Variants in NRCAM observed in about 807,000 individuals in gnomAD.
NRCAM encodes NgCAM-related cell adhesion molecule.
In NRCAM, 83 loss-of-function variants were observed where a neutral mutation model predicts 156.5. The observed-to-expected ratio is 0.53, with a 90% CI of 0.44 to 0.64. The LOEUF is 0.64. NRCAM is among the 30% of genes least tolerant of loss of function. The pLI, the probability that NRCAM is intolerant of heterozygous loss-of-function variation, is 0.00. For missense variants in NRCAM, 1,417 were observed against 1,597.3 expected (o/e 0.89, Z 1.92); for synonymous variants, 538 against 563.9 (o/e 0.95, Z 0.65).
intron 20 of NRCAM, among the ~76,000 whole-genome samples, chr7:108,189,044 T>A (rs1587307233): frequency 8.8e-6 from 1 of 113,726 alleles, no homozygotes; most frequent in South Asian, 3.3e-4. Flanking sequence ...TCTTCTAGTA[T>A]CCTTATGACA....
chr7:108,290,728 G>C (rs2098262775), intron 3 of NRCAM, among the ~76,000 whole-genome samples: 1 of 152,136 alleles, frequency 6.6e-6, no homozygotes, highest in Non-Finnish European at 1.5e-5. Context: ...TTTTTTAGAA[G>C]CTAAATTGCA....
chr7:108,269,926 G>A (rs777574962), intron 3 of NRCAM, among the ~76,000 whole-genome samples: 20 of 152,284 alleles, frequency 1.3e-4, no homozygotes, highest in Non-Finnish European at 2.8e-4. Context: ...TCTTAGCAAA[G>A]CTTCCTTAGA....
At chr7:108,388,976 T>C (rs965758738) in intron 2 of NRCAM, among the ~76,000 whole-genome samples, 1 of 152,200 alleles carries the variant, frequency 6.6e-6, no homozygotes. Context: ...GTAGTATAGT[T>C]TGAAGTCAGG....
At chr7:108,279,979 G>A (rs2097789521) in intron 3 of NRCAM, among the ~76,000 whole-genome samples, 2 of 152,142 alleles carry the variant, frequency 1.3e-5, no homozygotes, top group South Asian at 2.1e-4. Context: ...ATGGACACTG[G>A]TGTCCCACAT....
intron 3 of NRCAM, among the ~76,000 whole-genome samples, chr7:108,286,257 A>G (rs1378124166): frequency 6.6e-6 from 1 of 152,216 alleles, no homozygotes; most frequent in African/African-American, 2.4e-5. Context: ...TGTGGCCAGC[A>G]GCAGTAGTTT....
rs140255523 is a variant in NRCAM, at chr7:108,232,497, G to C, written c.256C>G (p.His86Asp). 23 of 1,612,366 alleles carry C rather than the reference G, an allele frequency of 1.4e-5. No individual in the cohort carries two copies. In the African/African-American group the frequency reaches 2.8e-4, roughly 20 times the overall value. ...PSFSWTRNGT[H>D]FDIDKDPLVT... Reference sequence around the variant, plus strand: ...AGAGGGTCTTTATCGATGTCAAAATGAGTCCCATTACGGGTCCAGGAAAAG... The same window carrying C: ...AGAGGGTCTTTATCGATGTCAAAATCAGTCCCATTACGGGTCCAGGAAAAG... The change falls in exon 7 of 33, where the codon CAT becomes GAT. Residue 86 changes from histidine (H) to aspartate (D), a missense_variant. By Grantham distance (81) the His-to-Asp change is moderately conservative (BLOSUM62 -1). This residue lies in a region of NRCAM where 1,238 missense variants were observed against 1,336.4 expected (regional missense o/e 0.93). Coordinates refer to ENST00000379028, the MANE Select transcript of NRCAM (RefSeq NM_001037132.4).
chr7:108,422,067 T>A (rs568905536), intron 1 of NRCAM, among the ~76,000 whole-genome samples: 1 of 152,276 alleles, frequency 6.6e-6, no homozygotes, highest in African/African-American at 2.4e-5. Context: ...CAAAATACAT[T>A]TCATTGATAA....
intron 31 of NRCAM, 31 bp downstream of exon 31, chr7:108,160,330 T>C (rs2048140994): frequency 6.3e-7 from 1 of 1,596,168 alleles, no homozygotes; most frequent in Non-Finnish European, 8.6e-7. Flanking sequence ...TTATGTAGCA[T>C]TATAAAGCAA....
intron 2 of NRCAM, among the ~76,000 whole-genome samples, chr7:108,352,855 CTATAAAA>C (rs879416875): frequency 1.3e-5 from 2 of 152,088 alleles, no homozygotes; most frequent in African/African-American, 2.4e-5. Flanking sequence ...CCACAAATAG[CTATAAAA>C]TATAAGTTTA....
chr7:108,256,188 G>C (rs1048875687), intron 3 of NRCAM, among the ~76,000 whole-genome samples: 1 of 152,036 alleles, frequency 6.6e-6, no homozygotes, highest in Non-Finnish European at 1.5e-5. Context: ...TAGAAAAGGG[G>C]GAAATGTGGG....
intron 26 of NRCAM, among the ~76,000 whole-genome samples, chr7:108,177,666 TAC>T (rs1363221789): frequency 8.8e-4 from 16 of 18,206 alleles, no homozygotes; most frequent in African/African-American, 1.4e-3. Context: ...TATATGTATA[TAC>T]GTGTATATAT....
intron 30 of NRCAM, among the ~76,000 whole-genome samples, chr7:108,160,832 T>C (rs1216982525): frequency 6.6e-6 from 1 of 152,204 alleles, no homozygotes; most frequent in Non-Finnish European, 1.5e-5. Context: ...ACAGGATACA[T>C]TTTACATTAA....
chr7:108,345,512 T>A (rs2099346664), intron 2 of NRCAM, among the ~76,000 whole-genome samples: 1 of 152,214 alleles, frequency 6.6e-6, no homozygotes, highest in African/African-American at 2.4e-5. Context: ...TCCCCCCACA[T>A]TCATATAGTG....
chr7:108,168,437 A>G (rs2056290079), intron 28 of NRCAM, 35 bp from the exon 29 acceptor site: 1 of 1,557,812 alleles, frequency 6.4e-7, no homozygotes, highest in South Asian at 1.2e-5. Context: ...ACAAACAATC[A>G]TATTGCAACA....
At chr7:108,382,300 G>C (rs905212528) in intron 2 of NRCAM, among the ~76,000 whole-genome samples, 2 of 151,672 alleles carry the variant, frequency 1.3e-5, no homozygotes, top group Non-Finnish European at 2.9e-5. Context: ...ATCCAGTCAA[G>C]GAAACACTAA....
chr7:108,371,169 T>A (rs955862296), intron 2 of NRCAM, among the ~76,000 whole-genome samples: 2 of 152,160 alleles, frequency 1.3e-5, no homozygotes, highest in Admixed American at 6.6e-5. Flanking sequence ...TAAGTAGTTG[T>A]AGGATGAGAA....
intron 14 of NRCAM, among the ~76,000 whole-genome samples, chr7:108,197,567 T>C (rs368782315): frequency 6.6e-6 from 1 of 152,210 alleles, no homozygotes; most frequent in African/African-American, 2.4e-5. Flanking sequence ...CCAAGCATTA[T>C]GATTCATGCA....
At chr7:108,268,617 GGT>G (rs2097196685) in intron 3 of NRCAM, among the ~76,000 whole-genome samples, 1 of 119,124 alleles carries the variant, frequency 8.4e-6, no homozygotes, top group African/African-American at 3.3e-5. Flanking sequence ...GCGGGGCGGG[GGT>G]GGGGGTGGGG....
At chr7:108,159,371 A>G (rs1421770772) in intron 32 of NRCAM, 92 bp downstream of exon 32, 2 of 1,079,302 alleles carry the variant, frequency 1.9e-6, no homozygotes, top group South Asian at 1.3e-5. Flanking sequence ...AAAATATGAG[A>G]TGCCAGGCAG....
Sources: gnomAD v4.1 joint callset for allele counts (sites outside exome capture counted in the v4.1 genomes callset) on GRCh38, gnomAD v4.1.1 for gene constraint, gnomAD v4.1.1 regional missense constraint, MANE v1.5 for transcripts, NCBI Gene and HGNC (gene_info 2026-07-23, HGNC 2026-07-21) for gene names.